RYR2: variants seen among roughly 807,000 people sequenced by gnomAD.
RYR2 encodes the protein cardiac muscle ryanodine receptor-calcium release channel.
A neutral mutation model predicts 601.1 loss-of-function variants in RYR2; 227 were observed. The ratio of observed to expected loss-of-function variants is 0.38; its 90% CI spans 0.34 to 0.42. The LOEUF (loss-of-function observed/expected upper bound fraction) is 0.42. RYR2 is among the 10% of genes least tolerant of loss of function. The pLI is 1.00. For synonymous variants in RYR2, 2,223 were observed against 2,175.1 expected (o/e 1.02, Z -0.61); for missense variants, 4,646 against 6,156.5 (o/e 0.75, Z 8.21).
chr1:237,385,474 A>T (rs1386616661), intron 8 of RYR2, among the ~76,000 whole-genome samples: 1 of 152,188 alleles, frequency 6.6e-6, no homozygotes, highest in Non-Finnish European at 1.5e-5. Flanking sequence ...ACTCTATGAG[A>T]TTACAAGCAC....
intron 2 of RYR2, among the ~76,000 whole-genome samples, chr1:237,292,683 CTT>C (rs1692360922): frequency 6.6e-6 from 1 of 152,064 alleles, no homozygotes; most frequent in African/African-American, 2.4e-5. Flanking sequence ...AATTTTTTGT[CTT>C]GTGTGATTTA....
At chr1:237,554,331 T>A (rs1446652811) in intron 27 of RYR2, among the ~76,000 whole-genome samples, 3 of 152,008 alleles carry the variant, frequency 2.0e-5, no homozygotes, top group African/African-American at 7.2e-5. Flanking sequence ...TTTCTAGTTC[T>A]AGGATAACTC....
chr1:237,350,740 C>A (rs1479151474), intron 3 of RYR2, among the ~76,000 whole-genome samples: 1 of 149,232 alleles, frequency 6.7e-6, no homozygotes, highest in Non-Finnish European at 1.5e-5. Context: ...TAAAATAATT[C>A]TGAATTTACA....
intron 1 of RYR2, among the ~76,000 whole-genome samples, chr1:237,175,472 T>C (rs1677918094): frequency 6.6e-6 from 1 of 152,196 alleles, no homozygotes; most frequent in African/African-American, 2.4e-5. Flanking sequence ...AATGATTTTT[T>C]TCAGTGTATG....
In RYR2 at chr1:237,831,568, A is replaced by C. The variant is rs377491955; in HGVS notation, c.14808+3A>C. On this transcript the variant is annotated splice_donor_region_variant and intron_variant, in intron 104 of 104. Transcript: ENST00000366574. Reference sequence around the variant, plus strand: ...ATGAAACAGAACACACAGGACAGGTAGGTAAATTATTACATGTCATCTTCT... The same window carrying C: ...ATGAAACAGAACACACAGGACAGGTCGGTAAATTATTACATGTCATCTTCT... 1 of 1,531,006 alleles carries C rather than the reference A, an allele frequency of 6.5e-7. No individual in the cohort carries two copies. The highest frequency in any genetic ancestry group is 9.0e-7 in the Non-Finnish European group (1 of 1,112,930). 94.8% of individuals were successfully genotyped at this position (1,531,006 alleles called of 1,614,324 possible).
intron 52 of RYR2, 68 bp from the exon 53 acceptor site, chr1:237,655,753 C>A: frequency 7.0e-7 from 1 of 1,430,654 alleles, no homozygotes; most frequent in Non-Finnish European, 9.5e-7. Flanking sequence ...CTTCTGTCAG[C>A]CCTGATGATC....
At position 237,770,863 on chromosome 1, in the gene RYR2, C is replaced by T. The variant is rs1694213736; in HGVS notation, c.11533C>T (p.Leu3845=). The change falls in exon 85 of 105, where the codon CTA becomes TTA. Residue 3845 remains leucine, a synonymous_variant. Transcript: ENST00000366574. ...FTCDLFRFLQ[L]LCEGHNSDFQ... ...CTGTGACCTCTTCCGATTCCTGCAA[C>T]TACTCTGTGAGGGACACAACTCAGG... 6.4e-7 allele frequency: 1 copy of T among 1,551,374 alleles called. No individual in the cohort carries two copies. The highest frequency in any genetic ancestry group is 8.7e-7 in the Non-Finnish European group (1 of 1,145,880).
chr1:237,215,247 C>A (rs1683030541), intron 1 of RYR2, among the ~76,000 whole-genome samples: 1 of 152,078 alleles, frequency 6.6e-6, no homozygotes, highest in Non-Finnish European at 1.5e-5. Context: ...ATACAGTAGT[C>A]CCGTCCTTTA....
rs915760671 is a variant in RYR2 at position 237,660,080 on chromosome 1, G to C, written c.8298+6G>C. Reference sequence around the variant, plus strand: ...ATAAGCTATTGTCTGAAAAGGTAAGGATTTTTTGTTTGTTTTAGTTTGTAA... The same window carrying C: ...ATAAGCTATTGTCTGAAAAGGTAAGCATTTTTTGTTTGTTTTAGTTTGTAA... On this transcript the variant is annotated splice_donor_region_variant and intron_variant, in intron 55 of 104. Coordinates refer to ENST00000366574, the MANE Select transcript of RYR2 (RefSeq NM_001035.3). The C allele has an allele frequency of 2.0e-6, 3 of 1,473,430 alleles. No individual in the cohort carries two copies. Among genetic ancestry groups the C allele is most frequent in the Non-Finnish European group, 2.7e-6 (3 of 1,106,826 alleles). 91.3% of individuals were successfully genotyped at this position (1,473,430 alleles called of 1,614,324 possible). A position where few individuals can be genotyped will look rare whatever the true frequency, so the allele number is the denominator to read the frequency against.
At chr1:237,751,569 C>A (rs1692537135) in intron 80 of RYR2, among the ~76,000 whole-genome samples, 2 of 152,214 alleles carry the variant, frequency 1.3e-5, no homozygotes, top group African/African-American at 2.4e-5. Context: ...AAATAATATT[C>A]CACCCAAAAT....
chr1:237,204,583 T>C (rs948714481), intron 1 of RYR2, among the ~76,000 whole-genome samples: 7 of 151,810 alleles, frequency 4.6e-5, no homozygotes, highest in Admixed American at 3.9e-4. Context: ...CTAACAGCCA[T>C]GTCAGTAGCT....
intron 89 of RYR2, among the ~76,000 whole-genome samples, chr1:237,782,267 G>A (rs2149347464): frequency 6.9e-6 from 1 of 144,972 alleles, no homozygotes; most frequent in South Asian, 2.2e-4. Context: ...TTTAAATCCT[G>A]GCTTCCTTAC....
intron 1 of RYR2, among the ~76,000 whole-genome samples, chr1:237,239,212 G>T (rs1052336523): frequency 1.3e-5 from 2 of 152,104 alleles, no homozygotes; most frequent in African/African-American, 4.8e-5. Context: ...TTGAAGCAGG[G>T]TTGTTTGTCT....
At chr1:237,303,881 T>C (rs1693616500) in intron 2 of RYR2, among the ~76,000 whole-genome samples, 1 of 152,196 alleles carries the variant, frequency 6.6e-6, no homozygotes, top group East Asian at 1.9e-4. Flanking sequence ...GAAATACATT[T>C]TATCCAACTG....
At position 237,111,590 on chromosome 1, in the gene RYR2, TAAAAA is replaced by T. The variant is rs71178394; in HGVS notation, c.48+69039_48+69043del. On this transcript the variant is annotated intron_variant, in intron 1 of 104. Coordinates refer to ENST00000366574, the MANE Select transcript of RYR2 (RefSeq NM_001035.3). ...GTGACAGAATGAGACTCCGTCTCTT[TAAAAA>T]AAAAAAAAAAAAAAAAAGGCACATT... Among the ~76,000 whole-genome samples, 4 of 119,962 alleles carry T rather than the reference TAAAAA, an allele frequency of 3.3e-5. No individual in the cohort carries two copies. The East Asian group carries it at 7.4e-4, about 22-fold the overall frequency. 78.7% of individuals were successfully genotyped at this position (119,962 alleles called of 152,430 possible). A position where few individuals can be genotyped will look rare whatever the true frequency, so the allele number is the denominator to read the frequency against.
At chr1:237,820,591 G>A (rs1662369510) in intron 101 of RYR2, among the ~76,000 whole-genome samples, 2 of 152,174 alleles carry the variant, frequency 1.3e-5, no homozygotes, top group South Asian at 2.1e-4. Flanking sequence ...GCACAAAACT[G>A]GGTGGCTGTT....
rs144935651 is a variant in RYR2 at position 237,719,921 on chromosome 1, A to G, written c.10554+1400A>G. Among the ~76,000 whole-genome samples, 320 of 152,332 alleles carry G rather than the reference A, an allele frequency of 2.1e-3. 1 individual carries two copies. Among genetic ancestry groups the G allele is most frequent in the African/African-American group, 6.9e-3 (286 of 41,558 alleles). On this transcript the variant is annotated intron_variant, in intron 73 of 104. Coordinates refer to ENST00000366574, the MANE Select transcript of RYR2 (RefSeq NM_001035.3). Reference sequence around the variant, plus strand: ...AGGGACACAGATCCACACTATATCAATAGGCTATATCGAGATTTGCAGCAA... The same window carrying G: ...AGGGACACAGATCCACACTATATCAGTAGGCTATATCGAGATTTGCAGCAA...
chr1:237,123,903 A>G (rs1350691221), intron 1 of RYR2, among the ~76,000 whole-genome samples: 1 of 152,014 alleles, frequency 6.6e-6, no homozygotes, highest in African/African-American at 2.4e-5. Flanking sequence ...TCCTGACCTC[A>G]TGATCCACCC....
At chr1:237,815,679 G>C (rs1216264642) in intron 100 of RYR2, among the ~76,000 whole-genome samples, 1 of 152,158 alleles carries the variant, frequency 6.6e-6, no homozygotes, top group African/African-American at 2.4e-5. Context: ...GCTGACAAGA[G>C]ATCTGCAAAG....
Sources: gnomAD v4.1 joint callset for allele counts (sites outside exome capture counted in the v4.1 genomes callset) on GRCh38, gnomAD v4.1.1 for gene constraint, MANE v1.5 for transcripts, NCBI Gene and HGNC (gene_info 2026-07-23, HGNC 2026-07-21) for gene names.